The following TTC12 variants were observed in gnomAD, a reference collection of about 807,000 sequenced individuals.
TTC12 encodes tetratricopeptide repeat protein 12.
TTC12 carries 70 observed loss-of-function variants against 90.1 expected under a neutral mutation model. The ratio of observed to expected loss-of-function variants is 0.78; its 90% CI spans 0.64 to 0.95. The LOEUF (loss-of-function observed/expected upper bound fraction) is 0.95, where lower values mean the gene tolerates loss of function less well. TTC12 is among the 40% of genes least tolerant of loss of function. The pLI is 0.00. For synonymous variants in TTC12, 296 were observed against 311.5 expected (o/e 0.95, Z 0.53); for missense variants, 819 against 846.1 (o/e 0.97, Z 0.40).
chr11:113,335,138 A>G (rs1948292104), intron 8 of TTC12, 101 bp downstream of exon 8: 2 of 884,324 alleles, frequency 2.3e-6, no homozygotes, highest in South Asian at 3.1e-5. Flanking sequence ...TTAGGTATTA[A>G]TCCATCCTTT....
chr11:113,367,749 G>T (rs188120590), downstream of TTC12, among the ~76,000 whole-genome samples: 3 of 152,278 alleles, frequency 2.0e-5, no homozygotes, highest in East Asian at 5.8e-4. Context: ...AAAATCAATG[G>T]CCTGAGCCCC....
chr11:113,355,375 G>T (rs1187922803), intron 16 of TTC12, among the ~76,000 whole-genome samples: 1 of 151,806 alleles, frequency 6.6e-6, no homozygotes, highest in African/African-American at 2.4e-5. Flanking sequence ...CTAACTAATG[G>T]TCTATTTTAT....
At chr11:113,353,333 A>AT (rs1434601150) in intron 16 of TTC12, among the ~76,000 whole-genome samples, 1 of 151,976 alleles carries the variant, frequency 6.6e-6, no homozygotes, top group Non-Finnish European at 1.5e-5. Flanking sequence ...TCTCTTGTAA[A>AT]TTTTTTTAAG....
intron 12 of TTC12, among the ~76,000 whole-genome samples, chr11:113,342,997 T>A (rs1176398637): frequency 4.6e-5 from 7 of 152,242 alleles, no homozygotes; most frequent in Admixed American, 1.3e-4. Context: ...TACATTTTTT[T>A]ATCATCTGAA....
chr11:113,355,231 C>A (rs1241625173), intron 16 of TTC12, among the ~76,000 whole-genome samples: 1 of 152,062 alleles, frequency 6.6e-6, no homozygotes, highest in African/African-American at 2.4e-5. Flanking sequence ...TCTAGATTTT[C>A]TAGTTTATGT....
At chr11:113,326,801 A>T (rs868918294) in intron 6 of TTC12, among the ~76,000 whole-genome samples, 1 of 152,226 alleles carries the variant, frequency 6.6e-6, no homozygotes, top group African/African-American at 2.4e-5. Context: ...ACAAGATTAT[A>T]AACTTTTTGA....
downstream of TTC12, among the ~76,000 whole-genome samples, chr11:113,370,861 G>T (rs1336780044): frequency 2.0e-5 from 3 of 152,312 alleles, no homozygotes; most frequent in African/African-American, 7.2e-5. Flanking sequence ...TCACTCCATT[G>T]TCACATCTGT....
chr11:113,341,814 T>C (rs782283755), intron 11 of TTC12, 23 bp from the exon 12 acceptor site: 1 of 1,573,716 alleles, frequency 6.4e-7, no homozygotes, highest in Non-Finnish European at 8.7e-7. Context: ...ACTTTTAAGA[T>C]AGCTCTCCTT....
intron 13 of TTC12, among the ~76,000 whole-genome samples, chr11:113,345,926 A>G (rs1435919655): frequency 6.6e-6 from 1 of 150,544 alleles, no homozygotes; most frequent in Non-Finnish European, 1.5e-5. Flanking sequence ...GGTCCTGCCT[A>G]CTCTCTCTAA....
chr11:113,320,610 G>A (rs868962139), intron 2 of TTC12, among the ~76,000 whole-genome samples: 31 of 152,246 alleles, frequency 2.0e-4, no homozygotes, highest in Middle Eastern at 3.4e-3. Context: ...TGATTCTTCC[G>A]GGGATGCTGG....
At chr11:113,364,486 C>A in intron 20 of TTC12, 1 of 313,972 alleles carries the variant, frequency 3.2e-6, no homozygotes, top group South Asian at 3.4e-5. Flanking sequence ...ACATTGCCTC[C>A]ACCTGGGGGC....
rs373411992 is a variant in TTC12, at chr11:113,366,298, T to C, written c.2116T>C (p.Ter706ArgextTer22). 1.1e-5 allele frequency: 17 copies of C among 1,613,540 alleles called. No homozygotes were observed. The African/African-American group carries it at 1.6e-4, about 15-fold the overall frequency. The change falls in exon 22 of 22, where the codon TGA (stop) becomes CGA (arginine). Residue 706 changes from the stop codon to arginine, a stop_lost. Transcript: ENST00000529221. ...TACGATGAAATACATCAGTGATTCT[T>C]GAGAGAGACAGGGTTTGTGTGCATT... ...NSTMKYISDS[*>R] is the part of the protein sequence containing the mutation.
chr11:113,367,241 G>A (rs1016583151), downstream of TTC12, among the ~76,000 whole-genome samples: 3 of 152,218 alleles, frequency 2.0e-5, no homozygotes, highest in Admixed American at 6.5e-5. Context: ...AGGAGTCCCA[G>A]ACCAAAGTTC....
chr11:113,323,890 G>A, intron 3 of TTC12, 104 bp from the exon 4 acceptor site: 1 of 862,890 alleles, frequency 1.2e-6, no homozygotes, highest in Non-Finnish European at 1.8e-6. Context: ...TAAAAGAAAT[G>A]ACCTCTTGTT....
chr11:113,323,927 TATACATATAAATTA>T, intron 3 of TTC12, 53 bp from the exon 4 acceptor site: 1 of 1,291,342 alleles, frequency 7.7e-7, no homozygotes. Context: ...TCTTGGTTTA[TATACATATAAATTA>T]GAGTGGTTTT....
intron 15 of TTC12, 94 bp from the exon 16 acceptor site, chr11:113,351,976 G>C (rs543189371): frequency 1.4e-6 from 2 of 1,444,714 alleles, no homozygotes; most frequent in African/African-American, 1.4e-5. Flanking sequence ...TGGTTGGTTC[G>C]TGGGCCTTTT....
intron 1 of TTC12, 46 bp from the exon 2 acceptor site, chr11:113,316,197 T>C (rs1275473285): frequency 3.1e-6 from 3 of 961,172 alleles, no homozygotes; most frequent in Non-Finnish European, 4.4e-6. Context: ...CCGTTCTGTT[T>C]AGTGCTTTAT....
downstream of TTC12, among the ~76,000 whole-genome samples, chr11:113,369,623 C>T (rs2138099470): frequency 6.6e-6 from 1 of 152,262 alleles, no homozygotes; most frequent in South Asian, 2.1e-4. Flanking sequence ...TGACCCCAAG[C>T]TGTGTTCTTA....
intron 21 of TTC12, 152 bp from the exon 22 acceptor site, chr11:113,366,073 G>A (rs763306282): frequency 7.1e-5 from 53 of 750,048 alleles, no homozygotes; most frequent in Non-Finnish European, 1.1e-4. Flanking sequence ...GATCTTTAGG[G>A]TACCCCAATG....
Sources: allele counts gnomAD v4.1 joint callset (sites outside exome capture counted in the v4.1 genomes callset), GRCh38; gene constraint gnomAD v4.1.1; transcripts MANE v1.5; gene names NCBI Gene and HGNC (gene_info 2026-07-23, HGNC 2026-07-21).